Variants in C10orf90 observed in about 807,000 individuals in gnomAD.
C10orf90 encodes the protein (E2-independent) E3 ubiquitin-conjugating enzyme FATS.
In C10orf90, 56 loss-of-function variants were observed where a neutral mutation model predicts 62.5. The ratio of observed to expected loss-of-function variants is 0.90; its 90% confidence interval spans 0.72 to 1.12. The LOEUF (loss-of-function observed/expected upper bound fraction) is 1.12. Among genes scored for constraint, C10orf90 ranks in the 50% most tolerant of loss-of-function variants. The pLI, the probability that C10orf90 is intolerant of heterozygous loss-of-function variation, is 0.00. For missense variants in C10orf90, 970 were observed against 880.4 expected (o/e 1.10, Z -1.29); for synonymous variants, 386 against 340.4 (o/e 1.13, Z -1.47).
intron 2 of C10orf90, among the ~76,000 whole-genome samples, chr10:126,639,567 C>T (rs143622198): frequency 4.6e-5 from 7 of 152,258 alleles, no homozygotes; most frequent in South Asian, 2.1e-4. Flanking sequence ...GAATGAGACA[C>T]GGGGCCTCCT....
At chr10:126,555,617 T>A (rs1327068642) in intron 2 of C10orf90, among the ~76,000 whole-genome samples, 1 of 151,498 alleles carries the variant, frequency 6.6e-6, no homozygotes, top group Non-Finnish European at 1.5e-5. Context: ...AGGTGGAGGT[T>A]GCAGTGAGCT....
At chr10:126,610,418 A>G (rs757234135) in intron 2 of C10orf90, among the ~76,000 whole-genome samples, 10 of 152,170 alleles carry the variant, frequency 6.6e-5, no homozygotes, top group Non-Finnish European at 1.5e-4. Context: ...CCCTGCCCAC[A>G]TCTCATAAAT....
In C10orf90 at chr10:126,429,699, C is replaced by G. The variant is rs181681417; in HGVS notation, c.2252+88G>C. On this transcript the variant is annotated intron_variant, in intron 8 of 9. Coordinates refer to ENST00000488181, the MANE Select transcript of C10orf90 (RefSeq NM_001350921.2). ...CAGACCTTAAACATGGACCTAGAAG[C>G]AGTGGTCCCATTGGAGGGCACCTGA... is the stretch of plus-strand genomic sequence containing the variant. 8 of 1,011,514 alleles carry G rather than the reference C, an allele frequency of 7.9e-6. No individual in the cohort carries two copies. In the Admixed American group the frequency reaches 1.3e-4, roughly 17 times the overall value. 62.7% of individuals were successfully genotyped at this position (1,011,514 alleles called of 1,614,324 possible).
At chr10:126,480,802 A>C (rs1564822030) in intron 4 of C10orf90, among the ~76,000 whole-genome samples, 1 of 151,908 alleles carries the variant, frequency 6.6e-6, no homozygotes, top group Non-Finnish European at 1.5e-5. Flanking sequence ...CTCCATCCCC[A>C]CCTGTACCAC....
At chr10:126,570,721 G>A (rs1286580129) in intron 2 of C10orf90, among the ~76,000 whole-genome samples, 2 of 152,136 alleles carry the variant, frequency 1.3e-5, no homozygotes, top group East Asian at 1.9e-4. Context: ...CCACTTCTAC[G>A]AGAAGCAAAT....
intron 2 of C10orf90, among the ~76,000 whole-genome samples, chr10:126,641,674 T>G (rs957102925): frequency 2.6e-5 from 4 of 152,184 alleles, no homozygotes; most frequent in East Asian, 3.9e-4. Flanking sequence ...GATGGGGAAA[T>G]GTTACAAAAT....
rs565806224 is a variant in C10orf90, at chr10:126,504,597, G to A, written c.894C>T (p.Asn298=). ...RSFACTEFSR[N]SSVVRLKVPE... is the part of the protein sequence containing the mutation. ...GAACCTTCAGCCGCACCACGGAGCT[G>A]TTTCTGGAGAACTCTGTGCAGGCAA... Residue 298 remains asparagine (N), a synonymous_variant, in exon 4 of 10, where the codon AAC becomes AAT. Transcript: ENST00000488181. The surrounding 1 kb of genome is among the most constrained non-coding windows in gnomAD (Gnocchi z 4.1). The A allele has an allele frequency of 6.2e-7, 1 of 1,614,244 alleles. No homozygotes were observed. Among genetic ancestry groups the A allele is most frequent in the African/African-American group, 1.3e-5 (1 of 75,076 alleles).
intron 2 of C10orf90, among the ~76,000 whole-genome samples, chr10:126,541,649 C>T (rs1370279157): frequency 2.0e-5 from 3 of 152,124 alleles, no homozygotes; most frequent in African/African-American, 4.8e-5. Context: ...CAATGAGATA[C>T]CACTTCCAAC....
chr10:126,591,953 C>A (rs1481030428), intron 2 of C10orf90, among the ~76,000 whole-genome samples: 1 of 151,686 alleles, frequency 6.6e-6, no homozygotes, highest in Non-Finnish European at 1.5e-5. Flanking sequence ...TCACAATTGC[C>A]AAAAGAGAAT....
intron 2 of C10orf90, among the ~76,000 whole-genome samples, chr10:126,641,468 C>T (rs1846057153): frequency 6.6e-6 from 1 of 152,006 alleles, no homozygotes; most frequent in Admixed American, 6.6e-5. Context: ...TTCCACGCCC[C>T]CCGCCATCCG....
intron 2 of C10orf90, among the ~76,000 whole-genome samples, chr10:126,570,361 G>A (rs1025227875): frequency 6.6e-6 from 1 of 152,172 alleles, no homozygotes; most frequent in African/African-American, 2.4e-5. Flanking sequence ...AAGCCAGTGT[G>A]CTCTCTATGT....
intron 1 of C10orf90, among the ~76,000 whole-genome samples, chr10:126,665,947 G>A (rs1012774223): frequency 7.2e-5 from 11 of 152,156 alleles, no homozygotes; most frequent in African/African-American, 2.2e-4. Flanking sequence ...AAAGTGGTAG[G>A]TCACATCATT....
At chr10:126,565,042 T>TATTATATATTATATAA (rs1844302953) in intron 2 of C10orf90, among the ~76,000 whole-genome samples, 1 of 14,724 alleles carries the variant, frequency 6.8e-5, no homozygotes, top group Non-Finnish European at 1.4e-4. Flanking sequence ...ATAAAATATA[T>TATTATATATTATATAA]AATATATAAT....
intron 2 of C10orf90, among the ~76,000 whole-genome samples, chr10:126,645,085 G>A (rs1032479875): frequency 6.8e-6 from 1 of 146,062 alleles, no homozygotes; most frequent in Non-Finnish European, 1.5e-5. Flanking sequence ...CACAGGAAGG[G>A]GAACATCACA....
chr10:126,653,989 A>G (rs1368904754), intron 1 of C10orf90, among the ~76,000 whole-genome samples: 1 of 152,158 alleles, frequency 6.6e-6, no homozygotes, highest in Non-Finnish European at 1.5e-5. Context: ...TCTAAGCAGC[A>G]GGTCTTAACA....
chr10:126,652,153 C>T (rs1328943666), intron 1 of C10orf90, among the ~76,000 whole-genome samples: 1 of 152,194 alleles, frequency 6.6e-6, no homozygotes, highest in Non-Finnish European at 1.5e-5. Context: ...CTGGTTAATG[C>T]AACCCTGCAC....
chr10:126,660,806 A>T (rs1846493810), intron 1 of C10orf90, among the ~76,000 whole-genome samples: 1 of 152,248 alleles, frequency 6.6e-6, no homozygotes, highest in African/African-American at 2.4e-5. Flanking sequence ...AACAGACACA[A>T]TACATGATCC....
intron 4 of C10orf90, among the ~76,000 whole-genome samples, chr10:126,500,673 CAAAG>C (rs1031215568): frequency 1.1e-4 from 16 of 152,200 alleles, no homozygotes; most frequent in Non-Finnish European, 1.9e-4. Context: ...AGGAGATGAG[CAAAG>C]AGAGAACCAA....
intron 2 of C10orf90, among the ~76,000 whole-genome samples, chr10:126,558,793 C>A (rs1221810612): frequency 4.6e-5 from 7 of 152,250 alleles, no homozygotes; most frequent in Admixed American, 6.5e-5. Context: ...CTTCCCCAAC[C>A]AGAGTTGGGC....
Sources: allele counts gnomAD v4.1 joint callset (sites outside exome capture counted in the v4.1 genomes callset), GRCh38; gene constraint gnomAD v4.1.1; non-coding constraint Gnocchi (gnomAD v3.1); transcripts MANE v1.5; gene names NCBI Gene and HGNC (gene_info 2026-07-23, HGNC 2026-07-21).